The following CTR9 variants were observed in gnomAD, a reference collection of about 807,000 sequenced individuals.
CTR9 encodes RNA polymerase-associated protein CTR9 homolog.
A neutral mutation model predicts 152.1 loss-of-function variants in CTR9; 41 were observed. That is an observed-to-expected ratio of 0.27 (90% CI 0.21 to 0.35). The LOEUF is 0.35. CTR9 is among the 10% of genes least tolerant of loss of function. The probability of loss-of-function intolerance (pLI) is 1.00; values close to 1 mark genes in which losing one functional copy is unlikely to be tolerated. For synonymous variants in CTR9, 476 were observed against 496.2 expected, an observed-to-expected ratio of 0.96 and a Z score of 0.54; for missense variants, 917 against 1,424.4, an observed-to-expected ratio of 0.64 and a Z score of 5.73.
chr11:10,760,441 C>T, intron 6 of CTR9, 120 bp downstream of exon 6: 1 of 961,960 alleles, frequency 1.0e-6, no homozygotes, highest in Non-Finnish European at 1.5e-6. Flanking sequence ...CAGAAGGGTA[C>T]CTGTACTTTG....
rs1344132899 is a variant in CTR9, at chr11:10,756,742, A to G, written c.503-7A>G. On this transcript the variant is annotated splice_region_variant and splice_polypyrimidine_tract_variant and intron_variant, in intron 4 of 24. Coordinates refer to ENST00000361367, the MANE Select transcript of CTR9 (RefSeq NM_014633.5). ...GACACTGTGTTTATTTTTAAAAATC[A>G]TTACAGGTAAAGCTTGCATTTCCTT... 6.2e-7 allele frequency: 1 copy of G among 1,600,952 alleles called. No individual in the cohort carries two copies. The highest frequency in any genetic ancestry group is 8.5e-7 in the Non-Finnish European group (1 of 1,172,856).
At chr11:10,762,246 T>C (rs1862989813) in intron 7 of CTR9, among the ~76,000 whole-genome samples, 192 bp downstream of exon 7, 2 of 152,206 alleles carry the variant, frequency 1.3e-5, no homozygotes, top group South Asian at 4.1e-4. Context: ...TAATATTTAT[T>C]GACCCCTATA....
intron 2 of CTR9, among the ~76,000 whole-genome samples, chr11:10,754,125 A>G (rs1430112256): frequency 1.3e-5 from 2 of 152,208 alleles, no homozygotes; most frequent in Non-Finnish European, 2.9e-5. Context: ...CTGCCACTAC[A>G]GCATCCCAAG....
chr11:10,760,332 G>A lies in CTR9; in HGVS notation c.741+11G>A. 1.2e-6 allele frequency: 2 copies of A among 1,602,454 alleles called. No individual in the cohort carries two copies. The highest frequency in any genetic ancestry group is 1.7e-5 in the Admixed American group (1 of 57,798). ...CTCAACAATAAAGAGGTATGTAAAT[G>A]AAAAAAGTATCTAGCTCCTAACTGC... On this transcript the variant is annotated intron_variant, in intron 6 of 24. Transcript: ENST00000361367.
chr11:10,773,401 C>A, intron 21 of CTR9, 128 bp downstream of exon 21: 1 of 1,074,204 alleles, frequency 9.3e-7, no homozygotes. Context: ...AAGAGACAGT[C>A]TTCTAACACA....
chr11:10,755,145 C>T lies in CTR9; in HGVS notation c.332C>T (p.Thr111Ile). The change falls in exon 3 of 25, where the codon ACA becomes ATA. Residue 111 changes from threonine to isoleucine, a missense_variant. Physicochemically the swap from Thr to Ile is moderately conservative, Grantham distance 89 (BLOSUM62 -1). Around this residue, in one of 9 missense-constraint regions of CTR9, gnomAD observed 67 missense variants for 106.9 expected, o/e 0.63. Coordinates refer to ENST00000361367, the MANE Select transcript of CTR9 (RefSeq NM_014633.5). ...KNKDNKKDLI[T>I]QATLLYTMAD... ...AAGGACAATAAAAAGGATCTTATTACACAGGCCACCTTGTTGTATACAATG... is the reference window on the plus strand; with the variant it reads ...AAGGACAATAAAAAGGATCTTATTATACAGGCCACCTTGTTGTATACAATG... 2 of 1,613,736 alleles carry T rather than the reference C, an allele frequency of 1.2e-6. No homozygotes were observed. Among genetic ancestry groups the T allele is most frequent in the Non-Finnish European group, 1.7e-6 (2 of 1,179,698 alleles).
At chr11:10,769,766 T>TG (rs1863114128) in intron 16 of CTR9, among the ~76,000 whole-genome samples, 1 of 152,226 alleles carries the variant, frequency 6.6e-6, no homozygotes, top group Non-Finnish European at 1.5e-5. Flanking sequence ...TACCAAGAAG[T>TG]TAACAACCAG....
At chr11:10,774,977 C>G (rs1209796744) in intron 22 of CTR9, among the ~76,000 whole-genome samples, 1 of 152,162 alleles carries the variant, frequency 6.6e-6, no homozygotes, top group African/African-American at 2.4e-5. Flanking sequence ...TTAATGAGAG[C>G]TCAGCAGTGA....
At chr11:10,760,121 TGAAC>T in intron 5 of CTR9, 48 bp from the exon 6 acceptor site, 1 of 1,592,098 alleles carries the variant, frequency 6.3e-7, no homozygotes, top group Non-Finnish European at 8.6e-7. Context: ...TTTTTGTAAT[TGAAC>T]TCTAAAAAAT....
In CTR9 at chr11:10,773,969, A is replaced by G. The variant is rs1460851426; in HGVS notation, c.2728-43A>G. 7 of 1,455,454 alleles carry G rather than the reference A, an allele frequency of 4.8e-6. No individual in the cohort carries two copies. The Admixed American group carries it at 7.6e-5, about 16-fold the overall frequency. The allele number at this position is 1,455,454 out of a possible 1,614,324, so 90.2% of individuals were successfully genotyped here. ...TACCTTAGCATTCTAACCACATTCC[A>G]CCAACCAGGAAATAACTGACTATAG... On this transcript the variant is annotated intron_variant, in intron 21 of 24. Coordinates refer to ENST00000361367, the MANE Select transcript of CTR9 (RefSeq NM_014633.5).
In CTR9 at chr11:10,770,308, C is replaced by T; in HGVS notation, c.2208C>T (p.Cys736=). The change falls in exon 17 of 25, where the codon TGC becomes TGT. Residue 736 remains cysteine (C), a synonymous_variant. Coordinates refer to ENST00000361367, the MANE Select transcript of CTR9 (RefSeq NM_014633.5). ...ALFKCGKLQE[C]KQTLLKARHV... is the part of the protein sequence containing the mutation. ...TCAAGTGTGGCAAGTTACAGGAATG[C>T]AAACAGACTTTGCTGAAGGTAAAAA... 6.2e-7 allele frequency: 1 copy of T among 1,613,484 alleles called. No homozygotes were observed. Among genetic ancestry groups the T allele is most frequent in the Non-Finnish European group, 8.5e-7 (1 of 1,179,610 alleles).
At position 10,764,701 on chromosome 11, in the gene CTR9, A is replaced by G. The variant is rs1214388614; in HGVS notation, c.1567A>G (p.Ile523Val). The G allele has an allele frequency of 6.2e-7, 1 of 1,607,484 alleles. No homozygotes were observed. Among genetic ancestry groups the G allele is most frequent in the South Asian group, 1.1e-5 (1 of 90,808 alleles). ...TGAAGCAGAAAAACTGTATAAAAAC[A>G]TCTTACGCGAACATCCTAATTATGT... Reference protein sequence around the residue: ...FHEAEKLYKNILREHPNYVDC... With the variant: ...FHEAEKLYKNVLREHPNYVDC... Residue 523 changes from isoleucine (I) to valine (V), a missense_variant, in exon 12 of 25, where the codon ATC becomes GTC. By Grantham distance (29) the Ile-to-Val change is conservative. Coordinates refer to ENST00000361367, the MANE Select transcript of CTR9 (RefSeq NM_014633.5).
intron 7 of CTR9, among the ~76,000 whole-genome samples, chr11:10,763,146 G>A (rs1863003898): frequency 6.7e-6 from 1 of 148,834 alleles, no homozygotes; most frequent in African/African-American, 2.5e-5. Context: ...AATTCACTAT[G>A]AAAGGGGAGT....
chr11:10,767,570 A>C lies in CTR9; in HGVS notation c.1687-236A>C, dbSNP rs1811656. On this transcript the variant is annotated intron_variant, in intron 13 of 24. Transcript: ENST00000361367. This position sits in a 1 kb window ranked among gnomAD's most constrained non-coding sequence, Gnocchi z 4.0. Reference sequence around the variant, plus strand: ...TGTTACAACTACTTTGAGGTGGCCAAATGTAAACTGAAAGCATTAATTAAA... The same window carrying C: ...TGTTACAACTACTTTGAGGTGGCCACATGTAAACTGAAAGCATTAATTAAA... 369,038 of 453,480 alleles carry C rather than the reference A, an allele frequency of 0.81. 156,129 individuals are homozygous for C. Among genetic ancestry groups the C allele is most frequent in the Non-Finnish European group, 0.88 (220,450 of 250,404 alleles). 28.1% of individuals were successfully genotyped at this position (453,480 alleles called of 1,614,324 possible). A position where few individuals can be genotyped will look rare whatever the true frequency, so the allele number is the denominator to read the frequency against.
intron 9 of CTR9, 109 bp from the exon 10 acceptor site, chr11:10,764,003 G>A: frequency 1.5e-6 from 2 of 1,352,552 alleles, no homozygotes; most frequent in South Asian, 2.5e-5. Flanking sequence ...GCTTGTTCCA[G>A]TTTAGATAAC....
At chr11:10,773,461 G>A (rs1033524977) in intron 21 of CTR9, among the ~76,000 whole-genome samples, 188 bp downstream of exon 21, 1 of 152,156 alleles carries the variant, frequency 6.6e-6, no homozygotes, top group Non-Finnish European at 1.5e-5. Context: ...TCCAAGGTTT[G>A]CTAAGTGTAT....
At chr11:10,753,743 CA>C (rs1418094496) in intron 2 of CTR9, among the ~76,000 whole-genome samples, 3 of 150,254 alleles carry the variant, frequency 2.0e-5, no homozygotes. Context: ...AGCACTTAAA[CA>C]AAAATTAGAA....
rs367762632 is a variant in CTR9 at position 10,760,324 on chromosome 11, A to G, written c.741+3A>G. ...TTCTAGAACTCAACAATAAAGAGGT[A>G]TGTAAATGAAAAAAGTATCTAGCTC... On this transcript the variant is annotated splice_donor_region_variant and intron_variant, in intron 6 of 24. Coordinates refer to ENST00000361367, the MANE Select transcript of CTR9 (RefSeq NM_014633.5). 39 of 1,609,304 alleles carry G rather than the reference A, an allele frequency of 2.4e-5. No homozygotes were observed. In the African/African-American group the frequency reaches 5.1e-4, roughly 21 times the overall value.
chr11:10,779,253 A>C lies in CTR9; in HGVS notation c.*148A>C. ...ATCAGTTTGTATATTACTAAGCCCC[A>C]AGAGACATTTCCTGTGCTAGAGTCC... On this transcript the variant is annotated 3_prime_UTR_variant, in exon 25 of 25. Transcript: ENST00000361367. 1 of 724,110 alleles carries C rather than the reference A, an allele frequency of 1.4e-6. No individual in the cohort carries two copies. Among genetic ancestry groups the C allele is most frequent in the East Asian group, 2.7e-5 (1 of 36,432 alleles). 44.9% of individuals were successfully genotyped at this position (724,110 alleles called of 1,614,324 possible).
Sources: gnomAD v4.1 joint callset for allele counts (sites outside exome capture counted in the v4.1 genomes callset) on GRCh38, gnomAD v4.1.1 for gene constraint, gnomAD v4.1.1 regional missense constraint, Gnocchi (gnomAD v3.1) non-coding constraint, MANE v1.5 for transcripts, NCBI Gene and HGNC (gene_info 2026-07-23, HGNC 2026-07-21) for gene names.